Variants in TSC22D3 observed in about 807,000 individuals in gnomAD.
TSC22D3 encodes the protein TSC22 domain family member 3, also known as TSC22 domain family protein 3.
A neutral mutation model predicts 11.1 loss-of-function variants in TSC22D3; 4 were observed. The ratio of observed to expected loss-of-function variants is 0.36; its 90% CI spans 0.18 to 0.83. TSC22D3 has a LOEUF of 0.83. Ranked by LOEUF, TSC22D3 falls within the 40% of genes least tolerant of loss-of-function variation. TSC22D3 has a pLI of 0.48. For missense variants in TSC22D3, 118 were observed against 159.4 expected, an observed-to-expected ratio of 0.74 and a Z score of 1.40; for synonymous variants, 77 against 70.3, an observed-to-expected ratio of 1.10 and a Z score of -0.48.
At chrX:107,741,565 A>G (rs1291545174) in intron 1 of TSC22D3, among the ~76,000 whole-genome samples, 2 of 112,768 alleles carry the variant, frequency 1.8e-5, no homozygotes, top group Non-Finnish European at 3.8e-5. Flanking sequence ...CCCGCCTCCC[A>G]CCATGGGCGA....
chrX:107,747,587 A>T (rs762847355), intron 1 of TSC22D3, among the ~76,000 whole-genome samples: 1 of 113,131 alleles, frequency 8.8e-6, no homozygotes, highest in East Asian at 2.8e-4. Flanking sequence ...TCTGAATAGC[A>T]CAGAGGACTA....
chrX:107,758,927 C>CTGGA (rs1401517766), intron 1 of TSC22D3, among the ~76,000 whole-genome samples: 1 of 111,042 alleles, frequency 9.0e-6, no homozygotes, highest in African/African-American at 3.3e-5. Context: ...GTCGCACAGG[C>CTGGA]TGGAGTGCAG....
At chrX:107,716,512 T>G in intron 1 of TSC22D3, 2 of 1,021,800 alleles carry the variant, frequency 2.0e-6, no homozygotes, top group Non-Finnish European at 2.5e-6. Context: ...CGATGACGGA[T>G]CCCAGAGCGG....
At chrX:107,715,764 G>T in intron 2 of TSC22D3, 135 bp downstream of exon 2, 1 of 732,738 alleles carries the variant, frequency 1.4e-6, no homozygotes, top group Non-Finnish European at 2.1e-6. Context: ...CACCTCCAGT[G>T]CGGATAGGAG....
intron 1 of TSC22D3, among the ~76,000 whole-genome samples, chrX:107,744,302 C>A (rs1928556373): frequency 9.1e-6 from 1 of 110,443 alleles, no homozygotes; most frequent in South Asian, 3.9e-4. Flanking sequence ...ACCTGGATAT[C>A]TGGGAGAAAA....
At chrX:107,766,538 C>T (rs1929668389) in intron 1 of TSC22D3, among the ~76,000 whole-genome samples, 1 of 97,925 alleles carries the variant, frequency 1.0e-5, no homozygotes, top group African/African-American at 3.8e-5. Context: ...GGGACTTCTG[C>T]GACCTGTTCT....
chrX:107,738,373 C>G (rs957437580), intron 1 of TSC22D3, among the ~76,000 whole-genome samples: 2 of 112,883 alleles, frequency 1.8e-5, no homozygotes, highest in Admixed American at 1.9e-4. Context: ...AGGTCTTGGC[C>G]CTGTGCCTGC....
chrX:107,716,194 C>T, intron 1 of TSC22D3: 1 of 742,777 alleles, frequency 1.3e-6, no homozygotes, highest in Non-Finnish European at 1.8e-6. Flanking sequence ...CCGATCGGAG[C>T]TGCTTGCGAG....
chrX:107,721,921 C>G (rs1014526526), intron 1 of TSC22D3: 1 of 504,913 alleles, frequency 2.0e-6, no homozygotes, highest in African/African-American at 2.3e-5. Context: ...TTTAATTTGT[C>G]CTTGCTTCTC....
intron 1 of TSC22D3, among the ~76,000 whole-genome samples, chrX:107,754,738 C>T (rs2147776173): frequency 8.9e-6 from 1 of 112,436 alleles, no homozygotes. Context: ...TCTTACACAG[C>T]TACAGTTTCC....
At chrX:107,738,676 C>T (rs1197675258) in intron 1 of TSC22D3, among the ~76,000 whole-genome samples, 1 of 112,906 alleles carries the variant, frequency 8.9e-6, no homozygotes, top group Non-Finnish European at 1.9e-5. Context: ...GGGGCCAGAC[C>T]TAGGTAAAGG....
At chrX:107,767,936 G>T (rs1929742392) in intron 1 of TSC22D3, among the ~76,000 whole-genome samples, 1 of 112,041 alleles carries the variant, frequency 8.9e-6, no homozygotes. Flanking sequence ...TCTCCCCTGA[G>T]TTCACTGAGC....
intron 1 of TSC22D3, among the ~76,000 whole-genome samples, chrX:107,741,028 G>A (rs1026112998): frequency 1.8e-5 from 2 of 110,204 alleles, no homozygotes; most frequent in Non-Finnish European, 3.8e-5. Flanking sequence ...GAGATGTTAG[G>A]TTTGCCTAAG....
At chrX:107,747,723 A>G (rs1928739768) in intron 1 of TSC22D3, among the ~76,000 whole-genome samples, 1 of 112,967 alleles carries the variant, frequency 8.9e-6, no homozygotes, top group Admixed American at 9.3e-5. Flanking sequence ...TTCTAAATAC[A>G]GGCTGTTGCC....
chrX:107,758,969 C>T (rs1371906340), intron 1 of TSC22D3, among the ~76,000 whole-genome samples: 1 of 111,427 alleles, frequency 9.0e-6, no homozygotes, highest in African/African-American at 3.3e-5. Context: ...CAACCTCCGC[C>T]TCCGGGGTTC....
At chrX:107,746,138 A>T (rs754383627) in intron 1 of TSC22D3, among the ~76,000 whole-genome samples, 1 of 111,590 alleles carries the variant, frequency 9.0e-6, no homozygotes, top group Non-Finnish European at 1.9e-5. Flanking sequence ...GAGCCCTGCA[A>T]TTCTCACTGG....
chrX:107,753,553 G>A (rs1929035104), intron 1 of TSC22D3, among the ~76,000 whole-genome samples: 1 of 111,364 alleles, frequency 9.0e-6, no homozygotes, highest in Admixed American at 9.5e-5. Flanking sequence ...AAGAAGAAGG[G>A]AACTATCGAT....
At chrX:107,733,132 C>T (rs1174167314) in intron 1 of TSC22D3, among the ~76,000 whole-genome samples, 2 of 110,087 alleles carry the variant, frequency 1.8e-5, no homozygotes, top group Non-Finnish European at 3.8e-5. Context: ...ATCTGTGTAA[C>T]CCTGAGCAAA....
chrX:107,716,406 C>T, intron 1 of TSC22D3: 1 of 952,361 alleles, frequency 1.1e-6, no homozygotes, highest in Non-Finnish European at 1.3e-6. Flanking sequence ...GCCCCCTGCC[C>T]AGCCCTGTCT....
Sources: gnomAD v4.1 joint callset for allele counts (sites outside exome capture counted in the v4.1 genomes callset) on GRCh38, gnomAD v4.1.1 for gene constraint, MANE v1.5 for transcripts, NCBI Gene and HGNC (gene_info 2026-07-23, HGNC 2026-07-21) for gene names.